GRIN2A: variants seen among roughly 807,000 people sequenced by gnomAD.
GRIN2A encodes glutamate ionotropic receptor NMDA type subunit 2A, also known as glutamate receptor ionotropic, NMDA 2A.
In GRIN2A, 22 loss-of-function variants were observed where a neutral mutation model predicts 113.4. The observed-to-expected ratio is 0.19, with a 90% CI of 0.14 to 0.28. The LOEUF (loss-of-function observed/expected upper bound fraction) is 0.28. GRIN2A is among the 10% of genes least tolerant of loss of function. The pLI is 1.00. For synonymous variants in GRIN2A, 827 were observed against 738.4 expected (o/e 1.12, Z -1.94); for missense variants, 1,502 against 1,887.0 (o/e 0.80, Z 3.78).
chr16:9,891,464 A>G (rs963958584), intron 3 of GRIN2A, among the ~76,000 whole-genome samples: 1 of 152,234 alleles, frequency 6.6e-6, no homozygotes, highest in Non-Finnish European at 1.5e-5. Flanking sequence ...TGAAAAAATG[A>G]CATTCCATTA....
chr16:9,966,251 C>T (rs1875205), intron 2 of GRIN2A, among the ~76,000 whole-genome samples: 1 of 151,976 alleles, frequency 6.6e-6, no homozygotes, highest in South Asian at 2.1e-4. Context: ...GTTACTTTCC[C>T]GACTCTCTTC....
At chr16:10,137,950 T>C (rs1023085619) in intron 2 of GRIN2A, among the ~76,000 whole-genome samples, 1 of 152,190 alleles carries the variant, frequency 6.6e-6, no homozygotes, top group African/African-American at 2.4e-5. Flanking sequence ...GATAATGGGC[T>C]GTACAGTCTG....
chr16:9,799,492 G>C (rs1903224528), intron 10 of GRIN2A, among the ~76,000 whole-genome samples: 1 of 152,162 alleles, frequency 6.6e-6, no homozygotes, highest in Non-Finnish European at 1.5e-5. Flanking sequence ...TGTTCTTTAA[G>C]CTGCTCAGGT....
intron 4 of GRIN2A, among the ~76,000 whole-genome samples, chr16:9,887,715 G>T (rs1226337362): frequency 6.6e-6 from 1 of 152,150 alleles, no homozygotes; most frequent in Non-Finnish European, 1.5e-5. Context: ...TGCTGGATAA[G>T]ATTTGTGTGT....
intron 2 of GRIN2A, among the ~76,000 whole-genome samples, chr16:10,132,357 A>G (rs1474480353): frequency 6.6e-6 from 1 of 151,440 alleles, no homozygotes; most frequent in Non-Finnish European, 1.5e-5. Context: ...AAAAAAAAAA[A>G]AGATGTGAAA....
intron 4 of GRIN2A, among the ~76,000 whole-genome samples, chr16:9,858,464 T>C (rs141254876): frequency 6.6e-6 from 1 of 152,272 alleles, no homozygotes; most frequent in African/African-American, 2.4e-5. Context: ...AAAAAATCTT[T>C]ACCTTTAAAA....
chr16:10,131,470 C>CT (rs2049062249), intron 2 of GRIN2A, among the ~76,000 whole-genome samples: 1 of 122,332 alleles, frequency 8.2e-6, no homozygotes, highest in African/African-American at 2.7e-5. Context: ...CCACTTATCC[C>CT]ATTTTTTTTT....
At chr16:10,117,015 G>A (rs1309070529) in intron 2 of GRIN2A, among the ~76,000 whole-genome samples, 2 of 151,758 alleles carry the variant, frequency 1.3e-5, no homozygotes, top group Non-Finnish European at 2.9e-5. Flanking sequence ...GATATGAGTG[G>A]GGCATCAACA....
chr16:9,920,958 T>C (rs2044347411), intron 3 of GRIN2A, among the ~76,000 whole-genome samples: 1 of 152,156 alleles, frequency 6.6e-6, no homozygotes, highest in Non-Finnish European at 1.5e-5. Context: ...TTGCTGGGGA[T>C]TTTGCTCAAT....
chr16:9,968,958 T>A (rs1239537619), intron 2 of GRIN2A, among the ~76,000 whole-genome samples: 1 of 152,222 alleles, frequency 6.6e-6, no homozygotes, highest in African/African-American at 2.4e-5. Flanking sequence ...TTAATATTAA[T>A]AATGTATCTT....
At chr16:10,026,353 C>A (rs2046821341) in intron 2 of GRIN2A, among the ~76,000 whole-genome samples, 1 of 152,168 alleles carries the variant, frequency 6.6e-6, no homozygotes, top group Admixed American at 6.6e-5. Flanking sequence ...GCTTGGTGCA[C>A]TGTCCAGCAT....
At chr16:9,852,312 C>A (rs1450758892) in intron 4 of GRIN2A, among the ~76,000 whole-genome samples, 1 of 152,148 alleles carries the variant, frequency 6.6e-6, no homozygotes, top group African/African-American at 2.4e-5. Flanking sequence ...CGTTATAGCT[C>A]CAACACTCTT....
intron 2 of GRIN2A, among the ~76,000 whole-genome samples, chr16:10,039,288 C>CGACT (rs1025663714): frequency 1.3e-5 from 2 of 152,152 alleles, no homozygotes; most frequent in African/African-American, 4.8e-5. Flanking sequence ...CTCTTGCTCA[C>CGACT]GACTCAAAGG....
At chr16:9,770,031 G>C (rs1013019951) in intron 11 of GRIN2A, among the ~76,000 whole-genome samples, 2 of 152,234 alleles carry the variant, frequency 1.3e-5, no homozygotes, top group East Asian at 1.9e-4. Context: ...TTTTTCCAAT[G>C]GGGGGAAGAA....
At chr16:10,138,174 G>C (rs964332648) in intron 2 of GRIN2A, among the ~76,000 whole-genome samples, 13 of 152,172 alleles carry the variant, frequency 8.5e-5, no homozygotes, top group Admixed American at 1.3e-4. Context: ...TTTCCATCAA[G>C]CCTAAATCAT....
Position 9,938,029 on chromosome 16 carries a change from T to C in GRIN2A, c.937A>G (p.Ile313Val), listed in dbSNP as rs1465063447. The C allele has an allele frequency of 3.7e-6, 6 of 1,613,930 alleles. No individual in the cohort carries two copies. The change falls in exon 3 of 13, where the codon ATC becomes GTC. Residue 313 changes from isoleucine (I) to valine (V), a missense_variant. Ile to Val is a conservative substitution (Grantham distance 29). This residue lies in a region of GRIN2A where 334 missense variants were observed against 403.0 expected (regional missense o/e 0.83). Transcript: ENST00000330684. Reference sequence around the variant, plus strand: ...TAGCAGCTGGCCTTGGCCTCGGGGATGTAGGAGAACTTCTCCAGCATAGAA... The same window carrying C: ...TAGCAGCTGGCCTTGGCCTCGGGGACGTAGGAGAACTTCTCCAGCATAGAA... ...ASSMLEKFSY[I>V]PEAKASCYGQ...
chr16:10,039,603 CG>C (rs1434949983), intron 2 of GRIN2A, among the ~76,000 whole-genome samples: 1 of 151,784 alleles, frequency 6.6e-6, no homozygotes, highest in African/African-American at 2.4e-5. Context: ...CGGGAGGGAC[CG>C]GTGGCGTTGG....
intron 3 of GRIN2A, among the ~76,000 whole-genome samples, chr16:9,895,748 C>T (rs563478535): frequency 2.0e-5 from 3 of 152,128 alleles, no homozygotes; most frequent in Non-Finnish European, 2.9e-5. Flanking sequence ...ACCTGCTGCC[C>T]TAAGTTGATA....
At chr16:9,821,357 T>A (rs2042281601) in intron 10 of GRIN2A, among the ~76,000 whole-genome samples, 1 of 152,172 alleles carries the variant, frequency 6.6e-6, no homozygotes, top group African/African-American at 2.4e-5. Context: ...ACACACTCCG[T>A]GCTTCCTACG....
Sources: gnomAD v4.1 joint callset for allele counts (sites outside exome capture counted in the v4.1 genomes callset) on GRCh38, gnomAD v4.1.1 for gene constraint, gnomAD v4.1.1 regional missense constraint, MANE v1.5 for transcripts, NCBI Gene and HGNC (gene_info 2026-07-23, HGNC 2026-07-21) for gene names.